The following SLC38A6 variants were observed in gnomAD, a reference collection of about 807,000 sequenced individuals.
SLC38A6 encodes solute carrier family 38 member 6.
SLC38A6 carries 73 observed loss-of-function variants against 65.0 expected under a neutral mutation model. The observed-to-expected ratio is 1.12, with a 90% CI of 0.93 to 1.37. The LOEUF (loss-of-function observed/expected upper bound fraction) is 1.37. SLC38A6 is among the 40% of genes most tolerant of loss of function. The pLI, the probability that SLC38A6 is intolerant of heterozygous loss-of-function variation, is 0.00. For synonymous variants in SLC38A6, 183 were observed against 178.8 expected (o/e 1.02, Z -0.19); for missense variants, 561 against 531.1 (o/e 1.06, Z -0.55).
chr14:61,053,442 T>C (rs896529098), downstream of SLC38A6, among the ~76,000 whole-genome samples: 4 of 152,168 alleles, frequency 2.6e-5, no homozygotes, highest in East Asian at 7.7e-4. Flanking sequence ...AGTTTTGCTT[T>C]TAGCTCTTTG....
chr14:61,052,998 G>A (rs2042586741), downstream of SLC38A6: 1 of 151,944 alleles, frequency 6.6e-6, no homozygotes, highest in Non-Finnish European at 1.5e-5. Flanking sequence ...ATTAAACCCA[G>A]TACTCATTAG....
chr14:60,999,686 C>T (rs1278541782), intron 3 of SLC38A6, among the ~76,000 whole-genome samples: 1 of 152,166 alleles, frequency 6.6e-6, no homozygotes, highest in African/African-American at 2.4e-5. Context: ...ACTCTAAATT[C>T]AGTCACATGT....
chr14:60,987,066 T>C (rs781779729), intron 3 of SLC38A6: 2 of 422,528 alleles, frequency 4.7e-6, no homozygotes, highest in South Asian at 3.4e-5. Context: ...CTTGGGCCCA[T>C]GAACTAACTA....
In SLC38A6 at chr14:61,030,521, T is replaced by A; in HGVS notation, c.480T>A (p.Ser160Arg). The change falls in exon 6 of 16, where the codon AGT becomes AGA. Residue 160 changes from serine (S) to arginine (R), a missense_variant and splice_region_variant. Transcript: ENST00000267488. Reference protein sequence around the residue: ...AIAEFLTGDYSRYWYLDGQTL... With the variant: ...AIAEFLTGDYRRYWYLDGQTL... ...CAGAATTTTTGACTGGAGACTATAG[T>A]AGGTAAGAAAAAGTATTTTACATTG... 1 of 1,599,342 alleles carries A rather than the reference T, an allele frequency of 6.3e-7. No homozygotes were observed. Among genetic ancestry groups the A allele is most frequent in the Non-Finnish European group, 8.5e-7 (1 of 1,170,272 alleles).
intron 1 of SLC38A6, chr14:60,981,764 T>C: frequency 7.9e-7 from 1 of 1,271,496 alleles, no homozygotes. Flanking sequence ...GATTTTCCTC[T>C]TCCGACTTAG....
chr14:61,079,216 A>G (rs1320814954), intron 16 of SLC38A6, among the ~76,000 whole-genome samples: 2 of 139,596 alleles, frequency 1.4e-5, no homozygotes, highest in Non-Finnish European at 3.0e-5. Context: ...GGCTTACTGC[A>G]ACCTCTGCCT....
At chr14:61,061,707 A>G (rs114657195) in intron 15 of SLC38A6, among the ~76,000 whole-genome samples, 287 of 152,360 alleles carry the variant, frequency 1.9e-3, no homozygotes, top group African/African-American at 6.7e-3. Flanking sequence ...ACTGAATAGT[A>G]TTCCATTGTA....
intron 3 of SLC38A6, among the ~76,000 whole-genome samples, chr14:61,010,372 C>T (rs1345712537): frequency 2.6e-5 from 4 of 152,132 alleles, no homozygotes; most frequent in Non-Finnish European, 2.9e-5. Context: ...TGCAGAAGCT[C>T]TTTAGTTTAA....
intron 3 of SLC38A6, among the ~76,000 whole-genome samples, chr14:61,012,158 A>G (rs1412186540): frequency 2.0e-5 from 3 of 152,162 alleles, no homozygotes; most frequent in African/African-American, 7.2e-5. Flanking sequence ...TAGATTTTCT[A>G]GTTTATTTGC....
At chr14:61,068,007 T>C (rs1259544683) in intron 15 of SLC38A6, among the ~76,000 whole-genome samples, 3 of 152,182 alleles carry the variant, frequency 2.0e-5, no homozygotes, top group Non-Finnish European at 4.4e-5. Flanking sequence ...GTTATTAATC[T>C]ATACTTTGGA....
At chr14:61,054,386 A>G (rs1283439973), downstream of SLC38A6, among the ~76,000 whole-genome samples, 2 of 152,138 alleles carry the variant, frequency 1.3e-5, no homozygotes, top group Admixed American at 6.6e-5. Flanking sequence ...TGAATTTTAA[A>G]ATAGTTTTAT....
chr14:61,055,106 C>CTTTTTTTTTT (rs1280245361), downstream of SLC38A6, among the ~76,000 whole-genome samples: 21 of 63,274 alleles, frequency 3.3e-4, no homozygotes, highest in African/African-American at 4.8e-4. Flanking sequence ...AAGTCTTTTT[C>CTTTTTTTTTT]TTTTTTTTTT....
In SLC38A6 at chr14:61,043,185, A is replaced by G. The variant is rs1264046184; in HGVS notation, c.663A>G (p.Thr221=). The G allele has an allele frequency of 1.3e-6, 2 of 1,545,414 alleles. No individual in the cohort carries two copies. Among genetic ancestry groups the G allele is most frequent in the Admixed American group, 1.9e-5 (1 of 53,274 alleles). The change falls in exon 9 of 16, where the codon ACA becomes ACG. Residue 221 remains threonine, a synonymous_variant. Coordinates refer to ENST00000267488, the MANE Select transcript of SLC38A6 (RefSeq NM_153811.3). ...IKKWSIPCPL[T]LNYVEKGFQI... is the part of the protein sequence containing the mutation. ...AATGGTCCATCCCTTGTCCTCTGACATTAAATTATGTAGAGAAAGGTTTCC... is the reference window on the plus strand; with the variant it reads ...AATGGTCCATCCCTTGTCCTCTGACGTTAAATTATGTAGAGAAAGGTTTCC...
intron 3 of SLC38A6, among the ~76,000 whole-genome samples, chr14:60,995,333 G>T (rs2038212106): frequency 6.6e-6 from 1 of 152,190 alleles, no homozygotes; most frequent in Non-Finnish European, 1.5e-5. Context: ...CATAGACATG[G>T]AGAACATTAT....
At chr14:61,012,206 A>G (rs1436144376) in intron 3 of SLC38A6, among the ~76,000 whole-genome samples, 1 of 151,962 alleles carries the variant, frequency 6.6e-6, no homozygotes, top group Non-Finnish European at 1.5e-5. Flanking sequence ...TGTAGTTTGT[A>G]TTTCTGTGGG....
chr14:61,070,299 A>C (rs1476874084), intron 15 of SLC38A6, among the ~76,000 whole-genome samples: 1 of 152,194 alleles, frequency 6.6e-6, no homozygotes, highest in Non-Finnish European at 1.5e-5. Context: ...CCAAGGAATC[A>C]TGTAGTATTT....
At chr14:61,038,641 C>A (rs1285596730) in intron 8 of SLC38A6, among the ~76,000 whole-genome samples, 2 of 152,138 alleles carry the variant, frequency 1.3e-5, no homozygotes, top group Non-Finnish European at 2.9e-5. Context: ...ACCTAGGGTG[C>A]ATTTAACTTA....
chr14:61,017,384 C>T (rs1216989671), intron 4 of SLC38A6, among the ~76,000 whole-genome samples: 2 of 152,112 alleles, frequency 1.3e-5, no homozygotes, highest in Admixed American at 1.3e-4. Context: ...AAATCATATA[C>T]TATATAGCAT....
intron 4 of SLC38A6, among the ~76,000 whole-genome samples, chr14:61,018,644 C>T (rs928467229): frequency 3.9e-5 from 6 of 152,142 alleles, no homozygotes; most frequent in African/African-American, 1.4e-4. Context: ...CACATGGAAG[C>T]ACAGTGTTTT....
Sources: allele counts gnomAD v4.1 joint callset (sites outside exome capture counted in the v4.1 genomes callset), GRCh38; gene constraint gnomAD v4.1.1; transcripts MANE v1.5; gene names NCBI Gene and HGNC (gene_info 2026-07-23, HGNC 2026-07-21).